The following MON1B variants were observed in gnomAD, a reference collection of about 807,000 sequenced individuals.
MON1B encodes the protein MON1 vesicular trafficking associated B.
A neutral mutation model predicts 45.1 loss-of-function variants in MON1B; 26 were observed. The observed-to-expected ratio is 0.58, with a 90% CI of 0.42 to 0.80. MON1B has a LOEUF of 0.80. MON1B is among the 30% of genes least tolerant of loss of function. The pLI is 0.00. For missense variants in MON1B, 737 were observed against 754.5 expected, an observed-to-expected ratio of 0.98 and a Z score of 0.27; for synonymous variants, 395 against 320.2, an observed-to-expected ratio of 1.23 and a Z score of -2.49.
In MON1B at chr16:77,195,702, G is replaced by A. The variant is rs770488807; in HGVS notation, c.1443+20G>A. ...GCCTGGGTAAGTTGGGCAGGGCTCT[G>A]AGTGAATTAATTCCCCACTTCAAGC... is the stretch of plus-strand genomic sequence containing the variant. On this transcript the variant is annotated intron_variant, in intron 5 of 5. Coordinates refer to ENST00000248248, the MANE Select transcript of MON1B (RefSeq NM_014940.4). The A allele has an allele frequency of 1.8e-4, 288 of 1,612,956 alleles. No homozygotes were observed. Among genetic ancestry groups the A allele is most frequent in the Middle Eastern group, 4.9e-4 (3 of 6,066 alleles).
intron 4 of MON1B, 43 bp from the exon 5 acceptor site, chr16:77,195,492 G>A (rs374484182): frequency 6.3e-7 from 1 of 1,582,044 alleles, no homozygotes. Context: ...AGCCAAGAAG[G>A]CCCTGGACTA....
chr16:77,200,291 T>TATATATATATATATATATACACACAC lies in MON1B; in HGVS notation c.*1984_*1985insTATATATATATATATATACACACACA. On this transcript the variant is annotated 3_prime_UTR_variant, in exon 6 of 6. Coordinates refer to ENST00000248248, the MANE Select transcript of MON1B (RefSeq NM_014940.4). The stretch of plus-strand genomic sequence containing the variant: ...ATATATGTGTATATATATATATATA[T>TATATATATATATATATATACACACAC]ACACACACTAATCAGCCGGGCGCGG... The TATATATATATATATATATACACACAC allele has an allele frequency of 1.2e-4, 13 of 111,388 alleles. No homozygotes were observed. The highest frequency in any genetic ancestry group is 3.4e-4 in the African/African-American group (10 of 29,740). 6.9% of individuals were successfully genotyped at this position (111,388 alleles called of 1,614,324 possible). A position where few individuals can be genotyped will look rare whatever the true frequency, so the allele number is the denominator to read the frequency against.
In MON1B at chr16:77,193,780, G is replaced by T; in HGVS notation, c.475+3G>T. On this transcript the variant is annotated splice_donor_region_variant and intron_variant, in intron 3 of 5. Transcript: ENST00000248248. The surrounding 1 kb of genome is among the most constrained non-coding windows in gnomAD (Gnocchi z 5.0). The stretch of plus-strand genomic sequence containing the variant: ...TGCCATCCGTGCCATCTACGCTGGT[G>T]AGCAAACAGGTGGGAGGCAGAATGG... 1 of 1,603,800 alleles carries T rather than the reference G, an allele frequency of 6.2e-7. No individual in the cohort carries two copies. The highest frequency in any genetic ancestry group is 8.5e-7 in the Non-Finnish European group (1 of 1,173,052).
intron 2 of MON1B, among the ~76,000 whole-genome samples, chr16:77,192,782 T>C (rs897630429): frequency 1.3e-5 from 2 of 151,922 alleles, no homozygotes; most frequent in African/African-American, 4.8e-5. Context: ...TGTTAATGAT[T>C]GTTAATGTGG....
At chr16:77,195,276 C>A in intron 4 of MON1B, 122 bp downstream of exon 4, 1 of 1,110,078 alleles carries the variant, frequency 9.0e-7, no homozygotes, top group East Asian at 2.6e-5. Context: ...GGGAAGAGAA[C>A]AAGTCTCTGT....
chr16:77,194,813 G>T lies in MON1B; in HGVS notation c.954G>T (p.Ala318=). 1 of 1,611,986 alleles carries T rather than the reference G, an allele frequency of 6.2e-7. No individual in the cohort carries two copies. The highest frequency in any genetic ancestry group is 8.5e-7 in the Non-Finnish European group (1 of 1,179,998). The part of the protein sequence containing the change: ...LDWVGAPAFA[A]GEAWAPVCLP... ...GGGTGGGTGCACCAGCCTTTGCGGCGGGTGAGGCTTGGGCACCTGTGTGCC... is the reference window on the plus strand; with the variant it reads ...GGGTGGGTGCACCAGCCTTTGCGGCTGGTGAGGCTTGGGCACCTGTGTGCC... Residue 318 remains alanine, a synonymous_variant, in exon 4 of 6, where the codon GCG becomes GCT. Transcript: ENST00000248248. The surrounding 1 kb of genome is among the most constrained non-coding windows in gnomAD (Gnocchi z 8.1).
At chr16:77,197,152 G>C (rs929750205) in intron 5 of MON1B, among the ~76,000 whole-genome samples, 1 of 151,926 alleles carries the variant, frequency 6.6e-6, no homozygotes, top group Non-Finnish European at 1.5e-5. Flanking sequence ...GTCGGGGTGG[G>C]AGTTGGGGGG....
In MON1B at chr16:77,193,494, C is replaced by G. The variant is rs1211999642; in HGVS notation, c.192C>G (p.Pro64=). The G allele has an allele frequency of 1.9e-6, 3 of 1,598,708 alleles. No individual in the cohort carries two copies. Among genetic ancestry groups the G allele is most frequent in the Non-Finnish European group, 2.6e-6 (3 of 1,170,718 alleles). The change falls in exon 3 of 6, where the codon CCC becomes CCG. Residue 64 remains proline (P), a synonymous_variant. Transcript: ENST00000248248. The surrounding 1 kb of genome is among the most constrained non-coding windows in gnomAD (Gnocchi z 5.0). ...AGCCACCCAGCCCATCACCACCGCC[C>G]CAGTCAGAGGCCCTGTCAAGCACCT... ...KDQPPSPSPP[P]QSEALSSTSR... is the part of the protein sequence containing the mutation.
In MON1B at chr16:77,193,419, A is replaced by G; in HGVS notation, c.149-32A>G. On this transcript the variant is annotated intron_variant, in intron 2 of 5. Transcript: ENST00000248248. The surrounding 1 kb of genome is among the most constrained non-coding windows in gnomAD (Gnocchi z 5.0). ...GATGTGGGATTAGTTAGGAGTTCAC[A>G]TGCAGATGACCCACCAGGGGCTCCC... The G allele has an allele frequency of 1.3e-6, 2 of 1,523,716 alleles. No homozygotes were observed. Among genetic ancestry groups the G allele is most frequent in the Non-Finnish European group, 1.8e-6 (2 of 1,134,296 alleles). 94.4% of individuals were successfully genotyped at this position (1,523,716 alleles called of 1,614,324 possible).
Position 77,193,007 on chromosome 16 carries a change from G to C in MON1B, c.149-444G>C, listed in dbSNP as rs7204238. Among the ~76,000 whole-genome samples, 105,661 of 151,816 alleles carry C rather than the reference G, an allele frequency of 0.7. 37,878 individuals are homozygous for C. Among genetic ancestry groups the C allele is most frequent in the African/African-American group, 0.86 (35,524 of 41,388 alleles). ...TAGCGGGGGTTGGGGCATTCAAACA[G>C]TTAAGATATTAATAGATGTTAATGG... is the stretch of plus-strand genomic sequence containing the variant. On this transcript the variant is annotated intron_variant, in intron 2 of 5. Transcript: ENST00000248248. The surrounding 1 kb of genome is among the most constrained non-coding windows in gnomAD (Gnocchi z 5.0).
chr16:77,194,460 C>T lies in MON1B; in HGVS notation c.601C>T (p.Leu201Phe), dbSNP rs2142498570. 1 of 1,614,140 alleles carries T rather than the reference C, an allele frequency of 6.2e-7. No individual in the cohort carries two copies. The highest frequency in any genetic ancestry group is 8.5e-7 in the Non-Finnish European group (1 of 1,180,028). Residue 201 changes from leucine to phenylalanine, a missense_variant, in exon 4 of 6, where the codon CTT becomes TTT. Physicochemically the swap from Leu to Phe is conservative, Grantham distance 22 (BLOSUM62 0). Coordinates refer to ENST00000248248, the MANE Select transcript of MON1B (RefSeq NM_014940.4). This position sits in a 1 kb window ranked among gnomAD's most constrained non-coding sequence, Gnocchi z 8.1. ...LAVHAQIVST[L>F]TRASVARIFA... is the part of the protein sequence containing the mutation. The stretch of plus-strand genomic sequence containing the variant: ...TGTGCACGCACAGATCGTGAGCACA[C>T]TTACACGTGCAAGTGTCGCCCGCAT...
chr16:77,198,581 A>G lies in MON1B; in HGVS notation c.*273A>G. ...CTGTCTCATCTCCTCCACTTGGATGATGCTCTAGCCTCTGTCAGGGACTGT... is the reference window on the plus strand; with the variant it reads ...CTGTCTCATCTCCTCCACTTGGATGGTGCTCTAGCCTCTGTCAGGGACTGT... On this transcript the variant is annotated 3_prime_UTR_variant, in exon 6 of 6. Coordinates refer to ENST00000248248, the MANE Select transcript of MON1B (RefSeq NM_014940.4). 5 of 490,462 alleles carry G rather than the reference A, an allele frequency of 1.0e-5. No homozygotes were observed. Among genetic ancestry groups the G allele is most frequent in the South Asian group, 8.4e-5 (4 of 47,616 alleles). The allele number at this position is 490,462 out of a possible 1,614,324, so 30.4% of individuals were successfully genotyped here.
Position 77,195,075 on chromosome 16 carries a change from G to T in MON1B, c.1216G>T (p.Gly406Trp). ...TCCTGCCTACAGCGTGCAGGCTGTC[G>T]GGGCGCCGGGCCTCCGGCACTTCCT... ...SAPAYSVQAV[G>W]APGLRHFLYK... Residue 406 changes from glycine (G) to tryptophan (W), a missense_variant, in exon 4 of 6, where the codon GGG becomes TGG. By Grantham distance (184) the Gly-to-Trp change is radical (BLOSUM62 -2). Coordinates refer to ENST00000248248, the MANE Select transcript of MON1B (RefSeq NM_014940.4). 1 of 1,605,678 alleles carries T rather than the reference G, an allele frequency of 6.2e-7. No homozygotes were observed.
Position 77,193,451 on chromosome 16 carries a change from G to T in MON1B, c.149G>T (p.Gly50Val). Residue 50 changes from glycine (G) to valine (V), a missense_variant and splice_region_variant, in exon 3 of 6, where the codon GGA (glycine) becomes GTA (valine). Coordinates refer to ENST00000248248, the MANE Select transcript of MON1B (RefSeq NM_014940.4). The surrounding 1 kb of genome is among the most constrained non-coding windows in gnomAD (Gnocchi z 5.0). ...TGACCCACCAGGGGCTCCCTTTCAG[G>T]ATCCAAGGACAAGGACCAGCCACCC... ...DPEDEGLEETGSKDKDQPPSP... is the reference protein window; with the variant it reads ...DPEDEGLEETVSKDKDQPPSP... The T allele has an allele frequency of 6.5e-7, 1 of 1,543,892 alleles. No homozygotes were observed. Among genetic ancestry groups the T allele is most frequent in the East Asian group, 2.3e-5 (1 of 44,256 alleles).
In MON1B at chr16:77,197,979, C is replaced by G. The variant is rs149443324; in HGVS notation, c.1444-129C>G. 21 of 899,548 alleles carry G rather than the reference C, an allele frequency of 2.3e-5. No individual in the cohort carries two copies. The African/African-American group carries it at 3.3e-4, about 14-fold the overall frequency. The allele number at this position is 899,548 out of a possible 1,614,324, so 55.7% of individuals were successfully genotyped here. ...ACCTTAGCCCAGTATCTAGGCAGCA[C>G]CTGGTAGGAGGTGCTGCCAGGTACA... On this transcript the variant is annotated intron_variant, in intron 5 of 5. Transcript: ENST00000248248.
At chr16:77,196,396 G>T (rs971345896) in intron 5 of MON1B, among the ~76,000 whole-genome samples, 3 of 152,266 alleles carry the variant, frequency 2.0e-5, no homozygotes, top group East Asian at 3.9e-4. Flanking sequence ...GTTATAAAGG[G>T]CGTGGTGAAA....
At position 77,193,523 on chromosome 16, in the gene MON1B, G is replaced by A. The variant is rs757353042; in HGVS notation, c.221G>A (p.Arg74Gln). 6.2e-6 allele frequency: 10 copies of A among 1,612,684 alleles called. No individual in the cohort carries two copies. The highest frequency in any genetic ancestry group is 2.2e-5 in the East Asian group (1 of 44,848). The part of the protein sequence containing the change: ...PQSEALSSTS[R>Q]LWSPAAPENS... ...TCAGAGGCCCTGTCAAGCACCTCTC[G>A]GCTCTGGAGTCCTGCAGCCCCTGAG... The change falls in exon 3 of 6, where the codon CGG becomes CAG. Residue 74 changes from arginine to glutamine, a missense_variant. Transcript: ENST00000248248. The surrounding 1 kb of genome is among the most constrained non-coding windows in gnomAD (Gnocchi z 5.0).
At chr16:77,196,683 G>A (rs1288010127) in intron 5 of MON1B, among the ~76,000 whole-genome samples, 1 of 152,182 alleles carries the variant, frequency 6.6e-6, no homozygotes, top group Non-Finnish European at 1.5e-5. Context: ...GGCTGAGGCA[G>A]GAGAATCGCT....
In MON1B at chr16:77,193,900, C is replaced by T; in HGVS notation, c.475+123C>T. 1 of 998,162 alleles carries T rather than the reference C, an allele frequency of 1.0e-6. No individual in the cohort carries two copies. Among genetic ancestry groups the T allele is most frequent in the African/African-American group, 1.6e-5 (1 of 61,402 alleles). 61.8% of individuals were successfully genotyped at this position (998,162 alleles called of 1,614,324 possible). ...GGTTGGGTCCATGTGTGTGGATGGT[C>T]AGCCAGAGCTCTGTCAGTGGCGGGA... On this transcript the variant is annotated intron_variant, in intron 3 of 5. Coordinates refer to ENST00000248248, the MANE Select transcript of MON1B (RefSeq NM_014940.4). This position sits in a 1 kb window ranked among gnomAD's most constrained non-coding sequence, Gnocchi z 5.0.
Sources: allele counts gnomAD v4.1 joint callset (sites outside exome capture counted in the v4.1 genomes callset), GRCh38; gene constraint gnomAD v4.1.1; non-coding constraint Gnocchi (gnomAD v3.1); transcripts MANE v1.5; gene names NCBI Gene and HGNC (gene_info 2026-07-23, HGNC 2026-07-21).